The following EIF4G3 variants were observed in gnomAD, a reference collection of about 807,000 sequenced individuals.
EIF4G3 encodes the protein eIF-4-gamma 3.
Under a neutral mutation model 186.4 loss-of-function variants are expected in EIF4G3, and 34 were observed. The ratio of observed to expected loss-of-function variants is 0.18; its 90% CI spans 0.14 to 0.24. The LOEUF is 0.24. Among genes scored for constraint, EIF4G3 ranks in the 10% least tolerant of loss-of-function variants. EIF4G3 has a pLI of 1.00. For missense variants in EIF4G3, 1,536 were observed against 1,948.5 expected (o/e 0.79, Z 3.99); for synonymous variants, 673 against 679.5 (o/e 0.99, Z 0.15).
At chr1:21,047,601 A>T (rs2093967191) in intron 4 of EIF4G3, among the ~76,000 whole-genome samples, 1 of 152,088 alleles carries the variant, frequency 6.6e-6, no homozygotes, top group African/African-American at 2.4e-5. Context: ...CCCTATGAAG[A>T]GGGTACTCAA....
intron 27 of EIF4G3, among the ~76,000 whole-genome samples, chr1:20,853,329 T>C (rs559802837): frequency 7.6e-4 from 116 of 152,292 alleles, no homozygotes; most frequent in African/African-American, 2.6e-3. Context: ...CCAGGGCTGT[T>C]TGGGTGGGCC....
At chr1:20,834,493 G>C (rs563844284) in intron 30 of EIF4G3, among the ~76,000 whole-genome samples, 76 of 152,126 alleles carry the variant, frequency 5.0e-4, no homozygotes, top group African/African-American at 1.8e-3. Context: ...GCTTATAAGA[G>C]ATTCACTTTA....
chr1:21,173,471 G>A (rs1231335524), intron 2 of EIF4G3, among the ~76,000 whole-genome samples: 1 of 152,154 alleles, frequency 6.6e-6, no homozygotes, highest in Non-Finnish European at 1.5e-5. Context: ...CGGATCACCT[G>A]AAGCCAGGAG....
At chr1:20,931,475 T>G (rs1055542863) in intron 14 of EIF4G3, among the ~76,000 whole-genome samples, 11 of 152,146 alleles carry the variant, frequency 7.2e-5, no homozygotes, top group Admixed American at 2.6e-4. Flanking sequence ...AAGAATAGAT[T>G]TAGCAGAATT....
intron 4 of EIF4G3, among the ~76,000 whole-genome samples, chr1:21,026,513 C>T (rs1455341385): frequency 8.2e-6 from 1 of 121,630 alleles, no homozygotes; most frequent in South Asian, 2.5e-4. Context: ...ATACCAAAGG[C>T]AGAAGCAAAA....
At chr1:20,974,616 T>C (rs1478794296) in intron 10 of EIF4G3, among the ~76,000 whole-genome samples, 1 of 152,254 alleles carries the variant, frequency 6.6e-6, no homozygotes, top group Non-Finnish European at 1.5e-5. Context: ...CTTAAAAATT[T>C]TGCCGTAAAA....
At chr1:20,907,557 A>C (rs2154557663) in intron 14 of EIF4G3, among the ~76,000 whole-genome samples, 5 of 134,832 alleles carry the variant, frequency 3.7e-5, no homozygotes, top group Admixed American at 7.5e-5. Context: ...CAACCCCACA[A>C]CAGTCCCCGG....
chr1:20,940,215 A>G (rs1226703464), intron 14 of EIF4G3, among the ~76,000 whole-genome samples: 1 of 152,310 alleles, frequency 6.6e-6, no homozygotes, highest in Non-Finnish European at 1.5e-5. Flanking sequence ...TCTCTCCACC[A>G]AGGAACAAGT....
chr1:20,971,777 G>A (rs1284317330), intron 11 of EIF4G3, among the ~76,000 whole-genome samples: 2 of 152,106 alleles, frequency 1.3e-5, no homozygotes, highest in African/African-American at 4.8e-5. Context: ...GGAATTATAG[G>A]CACGAGCCTC....
intron 4 of EIF4G3, among the ~76,000 whole-genome samples, chr1:21,024,323 C>T (rs1314546102): frequency 2.6e-5 from 4 of 152,238 alleles, no homozygotes; most frequent in Middle Eastern, 3.4e-3. Context: ...CCCGGCCAGC[C>T]GCCCCGACCG....
chr1:20,826,563 A>G (rs1347447004), intron 32 of EIF4G3, among the ~76,000 whole-genome samples: 3 of 108,726 alleles, frequency 2.8e-5, no homozygotes, highest in Admixed American at 2.1e-4. Flanking sequence ...GATCTCGGCT[A>G]ACTGCAACCT....
At chr1:20,811,005 A>G (rs2059126715) in intron 35 of EIF4G3, 121 bp from the exon 36 acceptor site, 3 of 949,578 alleles carry the variant, frequency 3.2e-6, no homozygotes, top group Non-Finnish European at 4.6e-6. Flanking sequence ...GCTGGAGTGC[A>G]GTGGCACAAT....
At chr1:20,935,259 C>G (rs999765220) in intron 14 of EIF4G3, among the ~76,000 whole-genome samples, 1 of 152,122 alleles carries the variant, frequency 6.6e-6, no homozygotes, top group African/African-American at 2.4e-5. Flanking sequence ...TTTTTGTCAT[C>G]AGCAAAACAG....
rs552299953 is a variant in EIF4G3, at chr1:20,902,459, C to A, written c.1752+2424G>T. Among the ~76,000 whole-genome samples the A allele has an allele frequency of 1.3e-4, 20 of 151,914 alleles. No homozygotes were observed. The South Asian group carries it at 3.9e-3, about 30-fold the overall frequency. On this transcript the variant is annotated intron_variant, in intron 15 of 36. Transcript: ENST00000602326. ...AGAAACAAATTATTTTAAAAGCTGACAAAATAAATCTAAGAAAGGGGGAGC... is the reference window on the plus strand; with the variant it reads ...AGAAACAAATTATTTTAAAAGCTGAAAAAATAAATCTAAGAAAGGGGGAGC...
At chr1:21,161,001 T>C (rs1558247843) in intron 2 of EIF4G3, among the ~76,000 whole-genome samples, 1 of 151,500 alleles carries the variant, frequency 6.6e-6, no homozygotes, top group South Asian at 2.1e-4. Context: ...TGAAACCCCG[T>C]CTCTAATAAA....
At chr1:20,972,832 T>A (rs2076161876) in intron 11 of EIF4G3, among the ~76,000 whole-genome samples, 170 bp downstream of exon 11, 1 of 151,884 alleles carries the variant, frequency 6.6e-6, no homozygotes, top group Admixed American at 6.6e-5. Context: ...AACTTCTAAT[T>A]ACATGCCCAT....
At chr1:21,063,055 A>T in intron 3 of EIF4G3, among the ~76,000 whole-genome samples, 1 of 152,178 alleles carries the variant, frequency 6.6e-6, no homozygotes, top group South Asian at 2.1e-4. Context: ...ATATATATTT[A>T]TTTTTTTAAT....
In EIF4G3 at chr1:20,927,609, T is replaced by C. The variant is rs140994534; in HGVS notation, c.1663+13882A>G. Reference sequence around the variant, plus strand: ...ATGGGTGAATAAATGAATGGTTAGATAGCTGGAAAGAAGAGACAGATCCAG... The same window carrying C: ...ATGGGTGAATAAATGAATGGTTAGACAGCTGGAAAGAAGAGACAGATCCAG... On this transcript the variant is annotated intron_variant, in intron 14 of 36. Coordinates refer to ENST00000602326, the MANE Select transcript of EIF4G3 (RefSeq NM_001391906.1). Among the ~76,000 whole-genome samples, 328 of 152,154 alleles carry C rather than the reference T, an allele frequency of 2.2e-3. 1 individual carries two copies. The highest frequency in any genetic ancestry group is 7.2e-3 in the African/African-American group (297 of 41,502).
At chr1:21,135,754 G>A (rs1476902195) in intron 2 of EIF4G3, among the ~76,000 whole-genome samples, 1 of 152,142 alleles carries the variant, frequency 6.6e-6, no homozygotes, top group Non-Finnish European at 1.5e-5. Flanking sequence ...TAACTAATAT[G>A]GGTAATGTAA....
Sources: gnomAD v4.1 joint callset for allele counts (sites outside exome capture counted in the v4.1 genomes callset) on GRCh38, gnomAD v4.1.1 for gene constraint, MANE v1.5 for transcripts, NCBI Gene and HGNC (gene_info 2026-07-23, HGNC 2026-07-21) for gene names.